NRCAM: variants seen among roughly 807,000 people sequenced by gnomAD.
The protein encoded by NRCAM is NgCAM-related cell adhesion molecule.
A neutral mutation model predicts 156.5 loss-of-function variants in NRCAM; 83 were observed. That is an observed-to-expected ratio of 0.53 (90% CI 0.44 to 0.64). NRCAM has a LOEUF of 0.64. NRCAM is among the 30% of genes least tolerant of loss of function. NRCAM has a pLI of 0.00. For missense variants in NRCAM, 1,417 were observed against 1,597.3 expected, an observed-to-expected ratio of 0.89 and a Z score of 1.92; for synonymous variants, 538 against 563.9, an observed-to-expected ratio of 0.95 and a Z score of 0.65.
intron 3 of NRCAM, among the ~76,000 whole-genome samples, chr7:108,240,742 A>AT (rs1554385320): frequency 6.6e-6 from 1 of 152,002 alleles, no homozygotes; most frequent in Non-Finnish European, 1.5e-5. Context: ...GTGCTGATTA[A>AT]TTTTTTCTAC....
chr7:108,232,550 A>G (rs2094456950), intron 6 of NRCAM, 28 bp from the exon 7 acceptor site: 3 of 1,514,706 alleles, frequency 2.0e-6, no homozygotes, highest in African/African-American at 2.8e-5. Flanking sequence ...TGTTAAGTGT[A>G]TTAATGGTCC....
At chr7:108,195,484 T>C (rs392976) in intron 15 of NRCAM, among the ~76,000 whole-genome samples, 107,288 of 151,682 alleles carry the variant, frequency 0.71, 39,237 homozygotes, top group East Asian at 0.88. Flanking sequence ...GGTGTGGTGG[T>C]AGGCGGCTGT....
At position 108,209,487 on chromosome 7, in the gene NRCAM, T is replaced by C. The variant is rs202209307; in HGVS notation, c.1009A>G (p.Asn337Asp). 2.0e-5 allele frequency: 33 copies of C among 1,612,094 alleles called. No homozygotes were observed. Among genetic ancestry groups the C allele is most frequent in the Middle Eastern group, 1.7e-4 (1 of 6,054 alleles). The change falls in exon 12 of 33, where the codon AAT becomes GAT. Residue 337 changes from asparagine to aspartate, a missense_variant. By Grantham distance (23) the Asn-to-Asp change is conservative. Coordinates refer to ENST00000379028, the MANE Select transcript of NRCAM (RefSeq NM_001037132.4). ...GCGTTTTTTGCTATACATTGGTAAT[T>C]TCCAGAGTCTGCTTCTGAAACATGA... is the stretch of plus-strand genomic sequence containing the variant. Reference protein sequence around the residue: ...IIHVSEADSGNYQCIAKNALG... With the variant: ...IIHVSEADSGDYQCIAKNALG...
chr7:108,382,522 T>C (rs1253294554), intron 2 of NRCAM, among the ~76,000 whole-genome samples: 2 of 151,906 alleles, frequency 1.3e-5, no homozygotes, highest in African/African-American at 2.4e-5. Context: ...GGCAGGGGGA[T>C]TGCTTAAGCC....
chr7:108,244,517 G>A (rs2095771946), intron 3 of NRCAM, among the ~76,000 whole-genome samples: 1 of 152,160 alleles, frequency 6.6e-6, no homozygotes, highest in Non-Finnish European at 1.5e-5. Flanking sequence ...CAGATTTTAA[G>A]TCTGAGACTG....
chr7:108,338,882 T>TA (rs759160732), intron 2 of NRCAM, among the ~76,000 whole-genome samples: 17 of 152,302 alleles, frequency 1.1e-4, no homozygotes, highest in African/African-American at 3.1e-4. Context: ...AGCTTTCCTA[T>TA]AAAAAATCCT....
At chr7:108,423,560 T>C (rs1305031721) in intron 1 of NRCAM, among the ~76,000 whole-genome samples, 1 of 152,246 alleles carries the variant, frequency 6.6e-6, no homozygotes, top group African/African-American at 2.4e-5. Context: ...AGAAAAGGTT[T>C]GACTGATGAG....
At chr7:108,163,304 C>T (rs1169812482) in intron 30 of NRCAM, among the ~76,000 whole-genome samples, 1 of 152,174 alleles carries the variant, frequency 6.6e-6, no homozygotes, top group African/African-American at 2.4e-5. Flanking sequence ...CAACAGTCTT[C>T]TGCTCTGGCG....
At chr7:108,348,416 G>T (rs2099385707) in intron 2 of NRCAM, among the ~76,000 whole-genome samples, 1 of 152,194 alleles carries the variant, frequency 6.6e-6, no homozygotes, top group Non-Finnish European at 1.5e-5. Context: ...TGCCAAGTAA[G>T]GAGATTGGCT....
At chr7:108,342,477 T>C (rs2099299116) in intron 2 of NRCAM, among the ~76,000 whole-genome samples, 2 of 152,200 alleles carry the variant, frequency 1.3e-5, no homozygotes, top group African/African-American at 4.8e-5. Flanking sequence ...GGCCATTATA[T>C]ACACTAATTT....
At chr7:108,438,993 T>C (rs1477569484) in intron 1 of NRCAM, among the ~76,000 whole-genome samples, 3 of 152,144 alleles carry the variant, frequency 2.0e-5, no homozygotes, top group Non-Finnish European at 4.4e-5. Flanking sequence ...TAAATAGACA[T>C]TAAATGTTAT....
At chr7:108,385,902 AGAGAGAGG>A (rs2099739190) in intron 2 of NRCAM, among the ~76,000 whole-genome samples, 1 of 121,398 alleles carries the variant, frequency 8.2e-6, no homozygotes, top group Non-Finnish European at 1.8e-5. Flanking sequence ...CTGTCTATGG[AGAGAGAGG>A]GAGGGAGGGA....
chr7:108,271,555 T>C (rs1282536761), intron 3 of NRCAM, among the ~76,000 whole-genome samples: 2 of 152,038 alleles, frequency 1.3e-5, no homozygotes, highest in African/African-American at 4.8e-5. Flanking sequence ...TAGCCAGGCA[T>C]GGTGGCACAT....
intron 6 of NRCAM, among the ~76,000 whole-genome samples, chr7:108,233,178 T>C (rs2094521753): frequency 6.6e-6 from 1 of 152,226 alleles, no homozygotes; most frequent in Non-Finnish European, 1.5e-5. Flanking sequence ...TTTATTTTTA[T>C]AAAAGATTGA....
chr7:108,159,870 T>G (rs537675276), intron 31 of NRCAM, among the ~76,000 whole-genome samples: 102 of 152,152 alleles, frequency 6.7e-4, no homozygotes, highest in Non-Finnish European at 1.2e-3. Context: ...AAGAGTATTC[T>G]CTCACAGATT....
At chr7:108,436,915 G>C (rs1345894376) in intron 1 of NRCAM, among the ~76,000 whole-genome samples, 1 of 152,134 alleles carries the variant, frequency 6.6e-6, no homozygotes, top group African/African-American at 2.4e-5. Flanking sequence ...CCACTGCTGG[G>C]TATATACCCA....
intron 13 of NRCAM, among the ~76,000 whole-genome samples, chr7:108,205,726 A>G (rs567965726): frequency 6.6e-6 from 1 of 152,292 alleles, no homozygotes; most frequent in South Asian, 2.1e-4. Flanking sequence ...TGCATTCCTG[A>G]GAAAATCATA....
intron 3 of NRCAM, among the ~76,000 whole-genome samples, chr7:108,263,389 T>A (rs1303765156): frequency 6.6e-6 from 1 of 152,176 alleles, no homozygotes; most frequent in Non-Finnish European, 1.5e-5. Context: ...AAGAAAGAAA[T>A]CCTCTGTACA....
At chr7:108,190,995 G>A (rs192113847) in intron 19 of NRCAM, among the ~76,000 whole-genome samples, 76 of 152,262 alleles carry the variant, frequency 5.0e-4, no homozygotes, top group Admixed American at 9.8e-4. Context: ...ATCAAAGAGG[G>A]ACTTTTATCA....
Sources: allele counts gnomAD v4.1 joint callset (sites outside exome capture counted in the v4.1 genomes callset), GRCh38; gene constraint gnomAD v4.1.1; transcripts MANE v1.5; gene names NCBI Gene and HGNC (gene_info 2026-07-23, HGNC 2026-07-21).